BEND3: variants seen among roughly 807,000 people sequenced by gnomAD.
BEND3 encodes BEN domain-containing protein 3.
BEND3 carries 13 observed loss-of-function variants against 60.1 expected under a neutral mutation model. The ratio of observed to expected loss-of-function variants is 0.22; its 90% CI spans 0.14 to 0.34. The LOEUF (loss-of-function observed/expected upper bound fraction) is 0.34, where lower values mean the gene tolerates loss of function less well. Ranked by LOEUF, BEND3 falls within the 10% of genes least tolerant of loss-of-function variation. The probability of loss-of-function intolerance (pLI) is 1.00; values close to 1 mark genes in which losing one functional copy is unlikely to be tolerated. For synonymous variants in BEND3, 497 were observed against 491.5 expected, an observed-to-expected ratio of 1.01 and a Z score of -0.15; for missense variants, 896 against 1,138.1, an observed-to-expected ratio of 0.79 and a Z score of 3.06.
chr6:107,104,426 A>G (rs1775771999), intron 1 of BEND3, among the ~76,000 whole-genome samples: 1 of 151,968 alleles, frequency 6.6e-6, no homozygotes, highest in Admixed American at 6.6e-5. Context: ...CCCATTTTTT[A>G]CCAGGTAATA....
At chr6:107,080,776 C>T (rs1245814309) in intron 3 of BEND3, among the ~76,000 whole-genome samples, 3 of 151,848 alleles carry the variant, frequency 2.0e-5, no homozygotes, top group African/African-American at 4.8e-5. Flanking sequence ...CCCAGCTACT[C>T]GGGAAGCTGT....
chr6:107,081,297 T>C (rs1183564693), intron 3 of BEND3, among the ~76,000 whole-genome samples: 5 of 150,966 alleles, frequency 3.3e-5, no homozygotes, highest in Non-Finnish European at 7.4e-5. Context: ...CTCAGCTCAC[T>C]ACAACCTCCA....
At chr6:107,101,454 G>A (rs1199920309) in intron 1 of BEND3, among the ~76,000 whole-genome samples, 1 of 152,164 alleles carries the variant, frequency 6.6e-6, no homozygotes, top group Admixed American at 6.6e-5. Context: ...TTCAAGAACA[G>A]TGCACAATAG....
At chr6:107,094,303 T>C (rs148988295) in intron 3 of BEND3, among the ~76,000 whole-genome samples, 145 of 152,130 alleles carry the variant, frequency 9.5e-4, no homozygotes, top group African/African-American at 3.4e-3. Flanking sequence ...ATTCTCCACA[T>C]CATATGTTGT....
Position 107,070,046 on chromosome 6 carries a change from C to G in BEND3, c.1145G>C (p.Arg382Pro). 1 of 1,613,746 alleles carries G rather than the reference C, an allele frequency of 6.2e-7. No homozygotes were observed. Among genetic ancestry groups the G allele is most frequent in the Non-Finnish European group, 8.5e-7 (1 of 1,180,020 alleles). The change falls in exon 4 of 4, where the codon CGG (arginine) becomes CCG (proline). Residue 382 changes from arginine to proline, a missense_variant. Physicochemically the swap from Arg to Pro is moderately radical, Grantham distance 103 (BLOSUM62 -2). Around this residue, in one of 4 missense-constraint regions of BEND3, gnomAD observed 846 missense variants for 1,036.7 expected, o/e 0.82. Coordinates refer to ENST00000369042, the MANE Select transcript of BEND3 (RefSeq NM_001367314.1). The surrounding 1 kb of genome is among the most constrained non-coding windows in gnomAD (Gnocchi z 6.9). The stretch of plus-strand genomic sequence containing the variant: ...GTGGTCTGAGGCGATGGTGCTGCTC[C>G]GGTCAAGAGACAGGGCCTCCTCCTG... ...KDQEEALSLDRSSTIASDHVV... is the reference protein window; with the variant it reads ...KDQEEALSLDPSSTIASDHVV...
rs1554232330 is a variant in BEND3, at chr6:107,073,220, T to C, written c.241-2270A>G. 1.3e-3 allele frequency among the ~76,000 whole-genome samples: 11 copies of C among 8,348 alleles called. 2 individuals are homozygous for C. The highest frequency in any genetic ancestry group is 2.9e-3 in the Non-Finnish European group (10 of 3,468). 5.5% of individuals were successfully genotyped at this position (8,348 alleles called of 152,430 possible). Reference sequence around the variant, plus strand: ...GTGTATGTATATATATATATATATATATATATATATATATATATATATATA... The same window carrying C: ...GTGTATGTATATATATATATATATACATATATATATATATATATATATATA... On this transcript the variant is annotated intron_variant, in intron 3 of 3. Transcript: ENST00000369042.
intron 3 of BEND3, among the ~76,000 whole-genome samples, chr6:107,071,656 A>G (rs1774984935): frequency 6.6e-6 from 1 of 152,226 alleles, no homozygotes; most frequent in African/African-American, 2.4e-5. Flanking sequence ...AAAATCCACA[A>G]GTATATAAAC....
intron 3 of BEND3, among the ~76,000 whole-genome samples, chr6:107,094,361 G>A (rs1775537204): frequency 6.6e-6 from 1 of 152,134 alleles, no homozygotes; most frequent in African/African-American, 2.4e-5. Flanking sequence ...GGTGGCTCAT[G>A]CCTGTAATCC....
At chr6:107,084,030 T>G (rs1260292812) in intron 3 of BEND3, among the ~76,000 whole-genome samples, 1 of 152,212 alleles carries the variant, frequency 6.6e-6, no homozygotes, top group Non-Finnish European at 1.5e-5. Flanking sequence ...CAGCATTCCA[T>G]CCTAACTACA....
chr6:107,079,064 A>G (rs1439835301), intron 3 of BEND3, among the ~76,000 whole-genome samples: 2 of 152,126 alleles, frequency 1.3e-5, no homozygotes, highest in African/African-American at 4.8e-5. Context: ...GGAGCGGATC[A>G]GTGGAAGAAG....
At chr6:107,077,333 G>T (rs1437135582) in intron 3 of BEND3, among the ~76,000 whole-genome samples, 1 of 152,008 alleles carries the variant, frequency 6.6e-6, no homozygotes, top group Non-Finnish European at 1.5e-5. Flanking sequence ...ATGTTCACAG[G>T]CGTGACCCCA....
At chr6:107,114,965 G>T (rs1467991841) in intron 1 of BEND3, 125 bp downstream of exon 1, 1 of 145,866 alleles carries the variant, frequency 6.9e-6, no homozygotes, top group Non-Finnish European at 1.5e-5. Flanking sequence ...GCCCCCCTCC[G>T]CGTCCCCTCC....
intron 1 of BEND3, among the ~76,000 whole-genome samples, chr6:107,105,489 G>A (rs1205573512): frequency 1.3e-5 from 2 of 152,188 alleles, no homozygotes; most frequent in African/African-American, 4.8e-5. Context: ...TTTCCAAAAG[G>A]ACATTCTCTA....
rs1267122855 is a variant in BEND3, at chr6:107,065,422, G to T, written c.*3282C>A. ...CAGTATTAAGTCTGATATCCACTTTGTGCAGGGTCTGCTATTACTAGGATG... is the reference window on the plus strand; with the variant it reads ...CAGTATTAAGTCTGATATCCACTTTTTGCAGGGTCTGCTATTACTAGGATG... On this transcript the variant is annotated 3_prime_UTR_variant, in exon 4 of 4. Coordinates refer to ENST00000369042, the MANE Select transcript of BEND3 (RefSeq NM_001367314.1). 2 of 152,522 alleles carry T rather than the reference G, an allele frequency of 1.3e-5. No individual in the cohort carries two copies. Among genetic ancestry groups the T allele is most frequent in the East Asian group, 1.9e-4 (1 of 5,196 alleles). The allele number at this position is 152,522 out of a possible 1,614,324, so 9.4% of individuals were successfully genotyped here. A position where few individuals can be genotyped will look rare whatever the true frequency, so the allele number is the denominator to read the frequency against.
chr6:107,068,763 G>A lies in BEND3; in HGVS notation c.2428C>T (p.Arg810Cys), dbSNP rs1554231248. ...ECIPSIDERC[R>C]RPNRKKCDIL... ...TCGCATTTTTTCCTGTTGGGGCGGC[G>A]GCACCTCTCATCGATGCTGGGGATA... The change falls in exon 4 of 4, where the codon CGC (arginine) becomes TGC (cysteine). Residue 810 changes from arginine to cysteine, a missense_variant. Arg to Cys is a radical substitution (Grantham distance 180). Around this residue, in one of 4 missense-constraint regions of BEND3, gnomAD observed 5 missense variants for 31.5 expected, o/e 0.16. Coordinates refer to ENST00000369042, the MANE Select transcript of BEND3 (RefSeq NM_001367314.1). The surrounding 1 kb of genome is among the most constrained non-coding windows in gnomAD (Gnocchi z 5.8). 6.2e-7 allele frequency: 1 copy of A among 1,613,882 alleles called. No individual in the cohort carries two copies. Among genetic ancestry groups the A allele is most frequent in the Non-Finnish European group, 8.5e-7 (1 of 1,180,012 alleles).
chr6:107,102,041 G>A (rs534851506), intron 1 of BEND3, among the ~76,000 whole-genome samples: 1 of 152,256 alleles, frequency 6.6e-6, no homozygotes, highest in African/African-American at 2.4e-5. Flanking sequence ...AAAGGGTCAT[G>A]GTGAAAGAAA....
At chr6:107,081,503 T>A (rs1554233549) in intron 3 of BEND3, among the ~76,000 whole-genome samples, 1 of 152,152 alleles carries the variant, frequency 6.6e-6, no homozygotes, top group South Asian at 2.1e-4. Flanking sequence ...ATTACAGGCA[T>A]GAGCCACCGC....
At chr6:107,112,034 C>A (rs1554238488) in intron 1 of BEND3, among the ~76,000 whole-genome samples, 1 of 151,916 alleles carries the variant, frequency 6.6e-6, no homozygotes, top group African/African-American at 2.4e-5. Context: ...AACACTACAT[C>A]CCAGCCTCCC....
intron 1 of BEND3, among the ~76,000 whole-genome samples, chr6:107,102,917 T>C (rs1554236886): frequency 6.6e-6 from 1 of 152,194 alleles, no homozygotes; most frequent in East Asian, 1.9e-4. Context: ...GTCACATCAC[T>C]GAGTGGCAGA....
Sources: gnomAD v4.1 joint callset for allele counts (sites outside exome capture counted in the v4.1 genomes callset) on GRCh38, gnomAD v4.1.1 for gene constraint, gnomAD v4.1.1 regional missense constraint, Gnocchi (gnomAD v3.1) non-coding constraint, MANE v1.5 for transcripts, NCBI Gene and HGNC (gene_info 2026-07-23, HGNC 2026-07-21) for gene names.